TAFA2: variants seen among roughly 807,000 people sequenced by gnomAD.
TAFA2 encodes the protein chemokine-like protein TAFA-2.
Under a neutral mutation model 18.8 loss-of-function variants are expected in TAFA2, and 7 were observed. That is an observed-to-expected ratio of 0.37 (90% CI 0.21 to 0.70). The LOEUF (loss-of-function observed/expected upper bound fraction) is 0.70. Ranked by LOEUF, TAFA2 falls within the 30% of genes least tolerant of loss-of-function variation. The probability of loss-of-function intolerance (pLI) is 0.53; values close to 1 mark genes in which losing one functional copy is unlikely to be tolerated. For synonymous variants in TAFA2, 60 were observed against 54.2 expected (o/e 1.11, Z -0.47); for missense variants, 122 against 158.1 (o/e 0.77, Z 1.23).
intron 1 of TAFA2, chr12:61,879,306 C>T (rs1212513099): frequency 8.3e-5 from 40 of 480,784 alleles, no homozygotes; most frequent in Non-Finnish European, 1.5e-5. Context: ...TGCTTCCACT[C>T]CTGCCTCCAC....
intron 1 of TAFA2, among the ~76,000 whole-genome samples, chr12:61,986,283 G>A (rs1271346): frequency 7.0e-6 from 1 of 143,352 alleles, no homozygotes; most frequent in African/African-American, 2.6e-5. Context: ...TCCTGCTTCA[G>A]CCTCCGAGTA....
Position 62,200,647 on chromosome 12 carries a change from T to C in TAFA2, c.-130+58116A>G, listed in dbSNP as rs555366182. On this transcript the variant is annotated intron_variant, in intron 1 of 5. Transcript: ENST00000551619. ...TTGTATCAGTACCATGCTGTTTTGG[T>C]TACTGTAGTTTTGTTGTATAGTTTG... Among the ~76,000 whole-genome samples the C allele has an allele frequency of 3.7e-4, 57 of 152,342 alleles. 1 individual carries two copies. In the South Asian group the frequency reaches 4.8e-3, roughly 13 times the overall value.
At chr12:61,876,518 A>G (rs533170111) in intron 1 of TAFA2, among the ~76,000 whole-genome samples, 3 of 152,298 alleles carry the variant, frequency 2.0e-5, no homozygotes, top group Non-Finnish European at 2.9e-5. Flanking sequence ...AGAGAGCAAA[A>G]CAGCTTAACC....
chr12:61,759,916 G>A (rs1869453861), intron 2 of TAFA2, among the ~76,000 whole-genome samples: 1 of 151,914 alleles, frequency 6.6e-6, no homozygotes, highest in Admixed American at 6.6e-5. Flanking sequence ...GGAAGAGAAA[G>A]GAAGTGAAAT....
At position 61,751,815 on chromosome 12, in the gene TAFA2, T is replaced by C. The variant is rs371563747; in HGVS notation, c.384+1807A>G. Among the ~76,000 whole-genome samples the C allele has an allele frequency of 7.2e-5, 11 of 152,136 alleles. No homozygotes were observed. In the East Asian group the frequency reaches 1.2e-3, roughly 16 times the overall value. Reference sequence around the variant, plus strand: ...GACACTCCATTTTAAATTTGGGTCATTGAGAATATGGTCAACAGGCCAAAA... The same window carrying C: ...GACACTCCATTTTAAATTTGGGTCACTGAGAATATGGTCAACAGGCCAAAA... On this transcript the variant is annotated intron_variant, in intron 4 of 4. Transcript: ENST00000416284.
At chr12:61,734,453 A>G (rs886336916) in intron 4 of TAFA2, among the ~76,000 whole-genome samples, 1 of 151,408 alleles carries the variant, frequency 6.6e-6, no homozygotes, top group African/African-American at 2.4e-5. Context: ...AGCATGGCAC[A>G]TGTATACATA....
At chr12:61,994,657 T>C (rs1012373065) in intron 1 of TAFA2, among the ~76,000 whole-genome samples, 2 of 152,148 alleles carry the variant, frequency 1.3e-5, no homozygotes, top group Non-Finnish European at 2.9e-5. Flanking sequence ...ACCAATGATC[T>C]CCATCTTTTC....
At chr12:61,900,402 T>C (rs922589377) in intron 1 of TAFA2, among the ~76,000 whole-genome samples, 13 of 152,166 alleles carry the variant, frequency 8.5e-5, no homozygotes, top group Non-Finnish European at 2.9e-5. Flanking sequence ...GGCATTCTAG[T>C]GGTGTGTCAG....
chr12:62,204,499 A>T (rs11174371), intron 1 of TAFA2, among the ~76,000 whole-genome samples: 25,532 of 151,114 alleles, frequency 0.17, 2,343 homozygotes, highest in African/African-American at 0.25. Flanking sequence ...ACATAAGCCC[A>T]TAGTTCTCGG....
At chr12:62,163,146 T>G (rs1240330851) in intron 1 of TAFA2, among the ~76,000 whole-genome samples, 1 of 152,110 alleles carries the variant, frequency 6.6e-6, no homozygotes, top group Non-Finnish European at 1.5e-5. Flanking sequence ...AAAGACTTTC[T>G]GCTCGACTAC....
At chr12:61,787,120 T>A (rs1870771917) in intron 2 of TAFA2, among the ~76,000 whole-genome samples, 1 of 151,084 alleles carries the variant, frequency 6.6e-6, no homozygotes, top group Non-Finnish European at 1.5e-5. Context: ...AGAAACCAAC[T>A]ATAAACCTTG....
chr12:62,222,754 T>G (rs980382728), intron 1 of TAFA2, among the ~76,000 whole-genome samples: 3 of 151,754 alleles, frequency 2.0e-5, no homozygotes, highest in African/African-American at 7.3e-5. Context: ...GATCTCGTGA[T>G]CCGCCCGCCT....
intron 1 of TAFA2, among the ~76,000 whole-genome samples, chr12:61,871,523 T>C (rs930437054): frequency 3.3e-5 from 5 of 151,986 alleles, no homozygotes; most frequent in Non-Finnish European, 7.4e-5. Context: ...GAAAAGAAAC[T>C]GGAAACTAAA....
chr12:61,712,933 C>T (rs1869482191), intron 4 of TAFA2, among the ~76,000 whole-genome samples: 2 of 152,036 alleles, frequency 1.3e-5, no homozygotes, highest in African/African-American at 4.8e-5. Context: ...TGTTATTTAA[C>T]ACCTAGCTTT....
chr12:61,941,594 G>A lies in TAFA2; in HGVS notation c.-1-74168C>T, dbSNP rs565048544. On this transcript the variant is annotated intron_variant, in intron 1 of 4. Transcript: ENST00000416284. ...ACAGTGGGCGCAGGCCAGTGGGTGC[G>A]TGCACCGTGCGTGAGCCGAAGCAGG... is the stretch of plus-strand genomic sequence containing the variant. Among the ~76,000 whole-genome samples, 32 of 152,292 alleles carry A rather than the reference G, an allele frequency of 2.1e-4. No individual in the cohort carries two copies. In the South Asian group the frequency reaches 3.5e-3, roughly 17 times the overall value.
Position 62,191,289 on chromosome 12 carries a change from C to A in TAFA2, c.-32G>T, listed in dbSNP as rs2062622709. On this transcript the variant is annotated 5_prime_UTR_variant, in exon 1 of 5. Transcript: ENST00000416284. ...GCCCCGCTTCCCGGTGGCGGCAACA[C>A]CTAGCGATGCTCCTGCAGCTTTTGC... The A allele has an allele frequency of 6.6e-6, 1 of 152,254 alleles. No homozygotes were observed. The highest frequency in any genetic ancestry group is 2.4e-5 in the African/African-American group (1 of 41,462). The allele number at this position is 152,254 out of a possible 1,614,324, so 9.4% of individuals were successfully genotyped here. A position where few individuals can be genotyped will look rare whatever the true frequency, so the allele number is the denominator to read the frequency against.
At chr12:62,151,333 G>A (rs2062327156) in intron 1 of TAFA2, among the ~76,000 whole-genome samples, 1 of 152,174 alleles carries the variant, frequency 6.6e-6, no homozygotes, top group Admixed American at 6.5e-5. Context: ...GTCCATGAAG[G>A]CATTCCTCTT....
chr12:61,806,807 C>G (rs765952184), intron 2 of TAFA2, among the ~76,000 whole-genome samples: 4 of 152,146 alleles, frequency 2.6e-5, no homozygotes, highest in Non-Finnish European at 5.9e-5. Context: ...CATTTTGCCC[C>G]TGCCCTAGAG....
chr12:62,098,485 CA>C (rs1869044445), intron 1 of TAFA2, among the ~76,000 whole-genome samples: 1 of 151,604 alleles, frequency 6.6e-6, no homozygotes, highest in South Asian at 2.1e-4. Context: ...ACAAAAGTAT[CA>C]AAAAATAGAC....
Sources: gnomAD v4.1 joint callset for allele counts (sites outside exome capture counted in the v4.1 genomes callset) on GRCh38, gnomAD v4.1.1 for gene constraint, MANE v1.5 for transcripts, NCBI Gene and HGNC (gene_info 2026-07-23, HGNC 2026-07-21) for gene names.